SNX25: variants seen among roughly 807,000 people sequenced by gnomAD.
The protein encoded by SNX25 is sorting nexin 25, also known as sorting nexin-25.
SNX25 carries 62 observed loss-of-function variants against 113.7 expected under a neutral mutation model. The ratio of observed to expected loss-of-function variants is 0.55; its 90% CI spans 0.44 to 0.67. SNX25 has a LOEUF of 0.67. SNX25 is among the 30% of genes least tolerant of loss of function. The pLI, the probability that SNX25 is intolerant of heterozygous loss-of-function variation, is 0.00. For missense variants in SNX25, 1,014 were observed against 1,161.0 expected (o/e 0.87, Z 1.84); for synonymous variants, 421 against 436.2 (o/e 0.97, Z 0.43).
chr4:185,295,332 G>T (rs889584471), intron 6 of SNX25, among the ~76,000 whole-genome samples: 2 of 152,064 alleles, frequency 1.3e-5, no homozygotes. Context: ...ACAGATGGAC[G>T]ATCCTAGGAA....
chr4:185,320,723 C>T lies in SNX25; in HGVS notation c.1345-10C>T. 6.8e-7 allele frequency: 1 copy of T among 1,473,960 alleles called. No homozygotes were observed. 91.3% of individuals were successfully genotyped at this position (1,473,960 alleles called of 1,614,324 possible). A position where few individuals can be genotyped will look rare whatever the true frequency, so the allele number is the denominator to read the frequency against. ...ATTTTAAAAAAAGTTTTCTTAAATT[C>T]TCTTAATAGATTCTTCAGTTTGAAG... On this transcript the variant is annotated splice_polypyrimidine_tract_variant and intron_variant, in intron 7 of 18. Transcript: ENST00000652585.
chr4:185,320,024 G>A (rs2126682857), intron 7 of SNX25, among the ~76,000 whole-genome samples: 1 of 152,262 alleles, frequency 6.6e-6, no homozygotes, highest in Middle Eastern at 3.4e-3. Flanking sequence ...TTACACTGTT[G>A]GTGGGAATGT....
intron 13 of SNX25, 24 bp downstream of exon 13, chr4:185,346,674 T>C: frequency 6.9e-7 from 1 of 1,452,622 alleles, no homozygotes; most frequent in African/African-American, 1.5e-5. Flanking sequence ...AAATGTGGGA[T>C]ATGAGAGAAA....
intron 3 of SNX25, among the ~76,000 whole-genome samples, chr4:185,261,825 G>GA (rs1172669140): frequency 6.6e-6 from 1 of 151,826 alleles, no homozygotes; most frequent in Admixed American, 6.6e-5. Flanking sequence ...ACAAAATAAA[G>GA]AAAAAAAATC....
intron 1 of SNX25, among the ~76,000 whole-genome samples, chr4:185,228,976 C>T (rs1458816179): frequency 1.3e-5 from 2 of 152,164 alleles, no homozygotes; most frequent in African/African-American, 2.4e-5. Flanking sequence ...AGAGCCAGCC[C>T]TCTTGATCTC....
At chr4:185,315,706 C>G (rs2095068687) in intron 7 of SNX25, among the ~76,000 whole-genome samples, 1 of 152,018 alleles carries the variant, frequency 6.6e-6, no homozygotes, top group African/African-American at 2.4e-5. Context: ...GAGACTAGCA[C>G]AATTCTAATA....
At chr4:185,225,571 C>G (rs1440157785) in intron 1 of SNX25, among the ~76,000 whole-genome samples, 1 of 152,164 alleles carries the variant, frequency 6.6e-6, no homozygotes, top group East Asian at 1.9e-4. Context: ...ATTGATTTCA[C>G]TGTAATCTAT....
At chr4:185,352,252 G>A (rs1217669474) in intron 14 of SNX25, among the ~76,000 whole-genome samples, 1 of 152,178 alleles carries the variant, frequency 6.6e-6, no homozygotes, top group Non-Finnish European at 1.5e-5. Flanking sequence ...CGCCTTGCCT[G>A]GCCCTCTAGC....
downstream of SNX25, among the ~76,000 whole-genome samples, chr4:185,371,578 A>G (rs2095416248): frequency 6.6e-6 from 1 of 150,910 alleles, no homozygotes; most frequent in Non-Finnish European, 1.5e-5. Context: ...AATGGAAAGA[A>G]GTCATCCTTT....
At chr4:185,358,010 C>T (rs1392303899) in intron 16 of SNX25, among the ~76,000 whole-genome samples, 1 of 152,148 alleles carries the variant, frequency 6.6e-6, no homozygotes, top group African/African-American at 2.4e-5. Flanking sequence ...GTAGAGCTCC[C>T]CTTTAATCAT....
chr4:185,366,155 A>G (rs2095387442), downstream of SNX25: 1 of 152,270 alleles, frequency 6.6e-6, no homozygotes, highest in Non-Finnish European at 1.5e-5. Flanking sequence ...ACAAATGAAT[A>G]GCCTTGTACA....
intron 10 of SNX25, among the ~76,000 whole-genome samples, chr4:185,335,700 A>G (rs1263444677): frequency 6.6e-6 from 1 of 152,202 alleles, no homozygotes; most frequent in African/African-American, 2.4e-5. Flanking sequence ...AGTCTGGAGC[A>G]AACTGTCCAA....
chr4:185,329,471 G>C (rs960475707), intron 9 of SNX25, among the ~76,000 whole-genome samples: 1 of 152,176 alleles, frequency 6.6e-6, no homozygotes, highest in African/African-American at 2.4e-5. Flanking sequence ...GTTAAGCTAA[G>C]AAGAAACTGG....
chr4:185,251,606 T>C (rs1320068010), intron 2 of SNX25, among the ~76,000 whole-genome samples: 60 of 45,670 alleles, frequency 1.3e-3, no homozygotes, highest in South Asian at 4.5e-3. Flanking sequence ...TGCGTGTGTG[T>C]GTGTGTGTGT....
intron 8 of SNX25, among the ~76,000 whole-genome samples, chr4:185,321,977 T>C (rs936329998): frequency 6.6e-6 from 1 of 152,232 alleles, no homozygotes; most frequent in African/African-American, 2.4e-5. Flanking sequence ...GGGACTTGAA[T>C]GTCCTCGGAT....
In SNX25 at chr4:185,310,802, C is replaced by T. The variant is rs1449613067; in HGVS notation, c.1330C>T (p.Pro444Ser). 6.2e-7 allele frequency: 1 copy of T among 1,610,694 alleles called. No individual in the cohort carries two copies. The highest frequency in any genetic ancestry group is 1.3e-5 in the African/African-American group (1 of 74,786). ...TGGGGCCCTGGATGAGGGGGAAGGGCCTCAAAGCCAGAAGGTAGAACTTTA... is the reference window on the plus strand; with the variant it reads ...TGGGGCCCTGGATGAGGGGGAAGGGTCTCAAAGCCAGAAGGTAGAACTTTA... ...EDGALDEGEG[P>S]QSQKILQFED... Residue 444 changes from proline to serine, a missense_variant, in exon 7 of 19, where the codon CCT becomes TCT. Transcript: ENST00000652585.
downstream of SNX25, chr4:185,371,021 T>C: frequency 2.0e-6 from 1 of 492,568 alleles, no homozygotes; most frequent in Non-Finnish European, 3.6e-6. Flanking sequence ...TTCACATGTC[T>C]CTGTAATTAT....
chr4:185,338,317 C>T (rs1180974521), intron 10 of SNX25, among the ~76,000 whole-genome samples: 1 of 150,280 alleles, frequency 6.7e-6, no homozygotes, highest in African/African-American at 2.5e-5. Flanking sequence ...ACTCTGTTGC[C>T]CAGGCTGGAG....
At chr4:185,265,859 C>G (rs1280918193) in intron 4 of SNX25, among the ~76,000 whole-genome samples, 1 of 152,002 alleles carries the variant, frequency 6.6e-6, no homozygotes, top group Non-Finnish European at 1.5e-5. Flanking sequence ...TCATTATAAT[C>G]TTATGGGGGC....
Sources: allele counts gnomAD v4.1 joint callset (sites outside exome capture counted in the v4.1 genomes callset), GRCh38; gene constraint gnomAD v4.1.1; transcripts MANE v1.5; gene names NCBI Gene and HGNC (gene_info 2026-07-23, HGNC 2026-07-21).